Variants in RB1CC1 observed in about 807,000 individuals in gnomAD.
RB1CC1 encodes RB1 inducible coiled-coil 1, also known as RB1-inducible coiled-coil protein 1.
Under a neutral mutation model 177.5 loss-of-function variants are expected in RB1CC1, and 46 were observed. The observed-to-expected ratio is 0.26, with a 90% CI of 0.20 to 0.33. RB1CC1 has a LOEUF of 0.33. Among genes scored for constraint, RB1CC1 ranks in the 10% least tolerant of loss-of-function variants. The pLI is 1.00. For synonymous variants in RB1CC1, 666 were observed against 613.6 expected (o/e 1.09, Z -1.26); for missense variants, 1,703 against 1,816.3 (o/e 0.94, Z 1.13).
intron 7 of RB1CC1, among the ~76,000 whole-genome samples, chr8:52,670,417 T>A (rs1439651589): frequency 1.3e-5 from 2 of 152,200 alleles, no homozygotes; most frequent in African/African-American, 4.8e-5. Context: ...CTCTTTGGCA[T>A]CTACAAAGGC....
At chr8:52,659,765 A>C (rs755561025) in intron 12 of RB1CC1, among the ~76,000 whole-genome samples, 13 of 152,350 alleles carry the variant, frequency 8.5e-5, no homozygotes, top group Admixed American at 2.6e-4. Flanking sequence ...TGGGAGGCCA[A>C]GGTGGGCAGA....
chr8:52,670,224 T>C (rs1275978985), intron 7 of RB1CC1, among the ~76,000 whole-genome samples: 1 of 152,194 alleles, frequency 6.6e-6, no homozygotes, highest in Non-Finnish European at 1.5e-5. Flanking sequence ...TGAGTCACCG[T>C]GCCCAGCTGA....
chr8:52,705,679 A>G (rs1007440761), intron 1 of RB1CC1, among the ~76,000 whole-genome samples: 1 of 152,142 alleles, frequency 6.6e-6, no homozygotes, highest in African/African-American at 2.4e-5. Context: ...AAAACTATCA[A>G]TGGAGGTTGG....
At position 52,658,143 on chromosome 8, in the gene RB1CC1, C is replaced by A; in HGVS notation, c.1794-19G>T. ...GGGAACCCTGAAACAGAATGCAATG[C>A]AATTAGACTTCTGATTTTTTAATGA... On this transcript the variant is annotated intron_variant, in intron 13 of 23. Coordinates refer to ENST00000025008, the MANE Select transcript of RB1CC1 (RefSeq NM_014781.5). 1 of 1,594,516 alleles carries A rather than the reference C, an allele frequency of 6.3e-7. No homozygotes were observed.
intron 18 of RB1CC1, among the ~76,000 whole-genome samples, chr8:52,640,303 C>A (rs964737073): frequency 6.6e-6 from 1 of 152,074 alleles, no homozygotes; most frequent in Non-Finnish European, 1.5e-5. Context: ...AAGCTACAGC[C>A]AGATAGGAGG....
intron 1 of RB1CC1, among the ~76,000 whole-genome samples, chr8:52,704,169 C>G (rs111274679): frequency 1.7e-4 from 26 of 152,206 alleles, no homozygotes; most frequent in East Asian, 7.7e-4. Flanking sequence ...CCTGTGATTT[C>G]AGGAGTTATC....
intron 20 of RB1CC1, among the ~76,000 whole-genome samples, chr8:52,632,341 T>A (rs1349923808): frequency 6.6e-6 from 1 of 152,166 alleles, no homozygotes; most frequent in Non-Finnish European, 1.5e-5. Flanking sequence ...TTCCTCCACT[T>A]CCCTCTGAAC....
In RB1CC1 at chr8:52,656,936, G is replaced by T. The variant is rs763026435; in HGVS notation, c.2893C>A (p.Leu965Ile). 1 of 1,613,302 alleles carries T rather than the reference G, an allele frequency of 6.2e-7. No homozygotes were observed. The highest frequency in any genetic ancestry group is 1.1e-5 in the South Asian group (1 of 91,054). ...AACTTCTCATCATTTTCAACATGGA[G>T]CTTTTTTAAGTCTTCTAACACTATT... ...REIVLEDLKKLHVENDEKLQL... is the reference protein window; with the variant it reads ...REIVLEDLKKIHVENDEKLQL... The change falls in exon 15 of 24, where the codon CTC becomes ATC. Residue 965 changes from leucine to isoleucine, a missense_variant. By Grantham distance (5) the Leu-to-Ile change is conservative. This residue lies in a region of RB1CC1 where 1,169 missense variants were observed against 1,184.7 expected (regional missense o/e 0.99). Transcript: ENST00000025008.
At chr8:52,642,293 C>A in intron 18 of RB1CC1, 58 bp downstream of exon 18, 1 of 1,568,122 alleles carries the variant, frequency 6.4e-7, no homozygotes, top group East Asian at 2.3e-5. Context: ...CTCTTCAGAG[C>A]TTTATAACTC....
At chr8:52,652,167 A>T (rs1850648994) in intron 15 of RB1CC1, among the ~76,000 whole-genome samples, 1 of 152,140 alleles carries the variant, frequency 6.6e-6, no homozygotes, top group African/African-American at 2.4e-5. Context: ...GAAAGTTTTT[A>T]TTAAAAAATC....
intron 8 of RB1CC1, among the ~76,000 whole-genome samples, chr8:52,663,874 G>A (rs1304066939): frequency 1.3e-5 from 2 of 152,286 alleles, no homozygotes; most frequent in East Asian, 3.9e-4. Context: ...GTAAGACCTT[G>A]TAGATAAAGC....
Position 52,645,744 on chromosome 8 carries a change from T to C in RB1CC1, c.3945A>G (p.Glu1315=), listed in dbSNP as rs966789729. 1 of 1,613,032 alleles carries C rather than the reference T, an allele frequency of 6.2e-7. No individual in the cohort carries two copies. Among genetic ancestry groups the C allele is most frequent in the Non-Finnish European group, 8.5e-7 (1 of 1,179,620 alleles). ...QLEEQEKRKN[E]EMQNVRTSLI... is the part of the protein sequence containing the mutation. Reference sequence around the variant, plus strand: ...AAGATGTTCGAACATTTTGCATTTCTTCATTCTTTCTTTTTTCTTGCTCTT... The same window carrying C: ...AAGATGTTCGAACATTTTGCATTTCCTCATTCTTTCTTTTTTCTTGCTCTT... Residue 1315 remains glutamate, a synonymous_variant, in exon 16 of 24, where the codon GAA becomes GAG. Transcript: ENST00000025008.
Position 52,660,915 on chromosome 8 carries a change from T to A in RB1CC1, c.1627+11A>T. On this transcript the variant is annotated intron_variant, in intron 11 of 23. Coordinates refer to ENST00000025008, the MANE Select transcript of RB1CC1 (RefSeq NM_014781.5). The stretch of plus-strand genomic sequence containing the variant: ...TTACAAAAGTAATTAAAATTATTAA[T>A]GAACACTTACTAAATAATTTCCCAA... 6.3e-7 allele frequency: 1 copy of A among 1,589,724 alleles called. No homozygotes were observed. The highest frequency in any genetic ancestry group is 8.6e-7 in the Non-Finnish European group (1 of 1,162,402).
At chr8:52,685,002 C>CTTTT in intron 3 of RB1CC1, among the ~76,000 whole-genome samples, 1 of 130,250 alleles carries the variant, frequency 7.7e-6, no homozygotes. Context: ...ATTATGTGAC[C>CTTTT]TTTTTTTTTT....
At chr8:52,674,320 A>C (rs1591048368) in intron 6 of RB1CC1, 46 bp from the exon 7 acceptor site, 2 of 1,449,850 alleles carry the variant, frequency 1.4e-6, no homozygotes, top group East Asian at 4.5e-5. Context: ...GACTGCTCTA[A>C]TTAGGAATTA....
At chr8:52,702,863 A>G (rs1201860014) in intron 1 of RB1CC1, among the ~76,000 whole-genome samples, 1 of 152,196 alleles carries the variant, frequency 6.6e-6, no homozygotes, top group Non-Finnish European at 1.5e-5. Context: ...AAAAAAAGAA[A>G]TCACAGTAAA....
chr8:52,680,987 TG>T (rs1563431916), intron 5 of RB1CC1, among the ~76,000 whole-genome samples: 8 of 125,080 alleles, frequency 6.4e-5, no homozygotes, highest in African/African-American at 2.8e-4. Flanking sequence ...TGTGTGTGTG[TG>T]TGTGTGTTTT....
intron 3 of RB1CC1, 144 bp from the exon 4 acceptor site, chr8:52,684,157 T>C: frequency 1.0e-6 from 1 of 987,980 alleles, no homozygotes; most frequent in Non-Finnish European, 1.4e-6. Flanking sequence ...AAATATAAGC[T>C]TCCTATTTAA....
intron 15 of RB1CC1, among the ~76,000 whole-genome samples, chr8:52,651,475 C>T (rs1336664972): frequency 7.2e-5 from 11 of 152,194 alleles, no homozygotes; most frequent in African/African-American, 2.4e-4. Context: ...GTTTGCCAAC[C>T]ATTTCTTTAG....
Sources: allele counts gnomAD v4.1 joint callset (sites outside exome capture counted in the v4.1 genomes callset), GRCh38; gene constraint gnomAD v4.1.1; regional missense constraint gnomAD v4.1.1; transcripts MANE v1.5; gene names NCBI Gene and HGNC (gene_info 2026-07-23, HGNC 2026-07-21).